RUNX2: variants seen among roughly 807,000 people sequenced by gnomAD.
The protein encoded by RUNX2 is RUNX family transcription factor 2.
RUNX2 carries 10 observed loss-of-function variants against 51.7 expected under a neutral mutation model. That is an observed-to-expected ratio of 0.19 (90% confidence interval 0.12 to 0.33). RUNX2 has a LOEUF of 0.33. RUNX2 is among the 10% of genes least tolerant of loss of function. The probability of loss-of-function intolerance (pLI) is 1.00; values close to 1 mark genes in which losing one functional copy is unlikely to be tolerated. For missense variants in RUNX2, 562 were observed against 691.3 expected, an observed-to-expected ratio of 0.81 and a Z score of 2.10; for synonymous variants, 276 against 273.6, an observed-to-expected ratio of 1.01 and a Z score of -0.09.
At chr6:45,328,576 G>T in intron 1 of RUNX2, 85 bp from the exon 2 acceptor site, 1 of 1,578,422 alleles carries the variant, frequency 6.3e-7, no homozygotes. Context: ...ATAATTTCTT[G>T]ACAGAAAAAA....
chr6:45,370,682 AAAACACCC>A (rs1795914435), intron 2 of RUNX2, among the ~76,000 whole-genome samples: 1 of 152,186 alleles, frequency 6.6e-6, no homozygotes, highest in Admixed American at 6.5e-5. Flanking sequence ...TGAAAATATC[AAAACACCC>A]TGTAAACATG....
intron 5 of RUNX2, among the ~76,000 whole-genome samples, chr6:45,449,458 C>A (rs1478514045): frequency 1.3e-5 from 2 of 152,178 alleles, no homozygotes; most frequent in East Asian, 3.8e-4. Flanking sequence ...GGCATGGACA[C>A]CTGAGAACTC....
chr6:45,377,117 T>A (rs12210230), intron 2 of RUNX2, among the ~76,000 whole-genome samples: 33,129 of 152,020 alleles, frequency 0.22, 4,401 homozygotes, highest in Non-Finnish European at 0.31. Context: ...CATTCTGAAC[T>A]CCTAAAACGT....
chr6:45,346,845 G>A (rs970633669), intron 2 of RUNX2, among the ~76,000 whole-genome samples: 2 of 152,138 alleles, frequency 1.3e-5, no homozygotes, highest in Non-Finnish European at 2.9e-5. Context: ...GATTATAGGC[G>A]TGAGCCATCG....
chr6:45,423,061 C>G, intron 3 of RUNX2, 104 bp downstream of exon 3: 1 of 1,457,868 alleles, frequency 6.9e-7, no homozygotes, highest in South Asian at 1.2e-5. Context: ...TCCAAGACCT[C>G]CTGCCTTGGC....
In RUNX2 at chr6:45,477,158, G is replaced by A. The variant is rs147638770; in HGVS notation, c.686-14783G>A. ...AGTGGCCACTGCATGGGTTGTCTCC[G>A]CCACTGGCTCCTCATCTTTCTCTTT... On this transcript the variant is annotated intron_variant, in intron 5 of 8. Coordinates refer to ENST00000647337, the MANE Select transcript of RUNX2 (RefSeq NM_001024630.4). 5.3e-5 allele frequency among the ~76,000 whole-genome samples: 8 copies of A among 152,216 alleles called. No homozygotes were observed. The East Asian group carries it at 5.8e-4, about 11-fold the overall frequency.
In RUNX2 at chr6:45,465,067, G is replaced by A. The variant is rs76561632; in HGVS notation, c.686-26874G>A. 4.0e-3 allele frequency among the ~76,000 whole-genome samples: 602 copies of A among 152,356 alleles called. 2 individuals carry two copies. The highest frequency in any genetic ancestry group is 0.014 in the African/African-American group (579 of 41,582). Reference sequence around the variant, plus strand: ...TGGGGAAATACTTTAGAATTTATATGTGACTCTTTCTTTTGTCTCTGCCAT... The same window carrying A: ...TGGGGAAATACTTTAGAATTTATATATGACTCTTTCTTTTGTCTCTGCCAT... On this transcript the variant is annotated intron_variant, in intron 5 of 8. Coordinates refer to ENST00000647337, the MANE Select transcript of RUNX2 (RefSeq NM_001024630.4).
Position 45,547,140 on chromosome 6 carries a change from C to T in RUNX2, c.1401C>T (p.Ser467=), listed in dbSNP as rs755177539. ...PMVPGGDRSP[S]RMLPPCTTTS... ...TGCCGGGGGGAGACCGGTCTCCTTC[C>T]AGAATGCTTCCGCCATGCACCACCA... is the stretch of plus-strand genomic sequence containing the variant. Residue 467 remains serine, a synonymous_variant, in exon 9 of 9, where the codon TCC becomes TCT. Coordinates refer to ENST00000647337, the MANE Select transcript of RUNX2 (RefSeq NM_001024630.4). 6.2e-7 allele frequency: 1 copy of T among 1,614,114 alleles called. No homozygotes were observed. Among genetic ancestry groups the T allele is most frequent in the Non-Finnish European group, 8.5e-7 (1 of 1,180,008 alleles).
intron 2 of RUNX2, among the ~76,000 whole-genome samples, chr6:45,379,212 T>C (rs1473791188): frequency 6.6e-6 from 1 of 152,190 alleles, no homozygotes; most frequent in Non-Finnish European, 1.5e-5. Context: ...ATATTTAGGA[T>C]GTGAGAGCTC....
At chr6:45,423,033 G>T (rs1023620479) in intron 3 of RUNX2, 76 bp downstream of exon 3, 2 of 1,559,276 alleles carry the variant, frequency 1.3e-6, no homozygotes, top group Non-Finnish European at 1.7e-6. Context: ...TGCCCACGGG[G>T]CTGGGCCCCG....
In RUNX2 at chr6:45,453,120, A is replaced by G. The variant is rs146436578; in HGVS notation, c.685+15069A>G. ...TGGGTCTCCCCCACCCCTCCCCCCAAGATGATTTATTTTCAAACCTCTTCT... is the reference window on the plus strand; with the variant it reads ...TGGGTCTCCCCCACCCCTCCCCCCAGGATGATTTATTTTCAAACCTCTTCT... On this transcript the variant is annotated intron_variant, in intron 5 of 8. Transcript: ENST00000647337. Among the ~76,000 whole-genome samples the G allele has an allele frequency of 4.5e-3, 690 of 151,922 alleles. 2 individuals are homozygous for G. The highest frequency in any genetic ancestry group is 0.015 in the African/African-American group (636 of 41,414).
intron 5 of RUNX2, among the ~76,000 whole-genome samples, chr6:45,444,256 T>G (rs1798928538): frequency 6.6e-6 from 1 of 152,174 alleles, no homozygotes; most frequent in South Asian, 2.1e-4. Context: ...CTAAAAATTT[T>G]TGTGTGTCGG....
chr6:45,487,503 A>G (rs1430728239), intron 5 of RUNX2, among the ~76,000 whole-genome samples: 1 of 152,226 alleles, frequency 6.6e-6, no homozygotes, highest in African/African-American at 2.4e-5. Context: ...GAAAGAAAGC[A>G]AATTTTTACT....
At chr6:45,355,894 C>T (rs982442571) in intron 2 of RUNX2, among the ~76,000 whole-genome samples, 3 of 152,064 alleles carry the variant, frequency 2.0e-5, no homozygotes, top group Non-Finnish European at 2.9e-5. Flanking sequence ...CCAGGCCAAC[C>T]CCAAAAATTT....
At chr6:45,377,448 A>T (rs141952475) in intron 2 of RUNX2, 1 of 152,174 alleles carries the variant, frequency 6.6e-6, no homozygotes, top group Non-Finnish European at 1.5e-5. Flanking sequence ...CACTACCTAG[A>T]CGACCCGCGC....
intron 2 of RUNX2, among the ~76,000 whole-genome samples, chr6:45,335,009 G>A (rs1285446992): frequency 6.6e-6 from 1 of 150,886 alleles, no homozygotes; most frequent in South Asian, 2.1e-4. Context: ...AGTTTATAAG[G>A]GCAAATATGA....
intron 2 of RUNX2, among the ~76,000 whole-genome samples, chr6:45,331,134 C>T (rs879660235): frequency 5.9e-5 from 9 of 151,446 alleles, no homozygotes; most frequent in Non-Finnish European, 7.4e-5. Flanking sequence ...TGTGCGCGCG[C>T]GCGCGCACAT....
At chr6:45,372,473 A>G (rs904783497) in intron 2 of RUNX2, among the ~76,000 whole-genome samples, 3 of 152,266 alleles carry the variant, frequency 2.0e-5, no homozygotes, top group Admixed American at 1.3e-4. Flanking sequence ...AGTGAAATAT[A>G]CAGAATTCAG....
chr6:45,500,609 G>C (rs762066408), intron 6 of RUNX2, among the ~76,000 whole-genome samples: 4 of 152,194 alleles, frequency 2.6e-5, no homozygotes, highest in Non-Finnish European at 5.9e-5. Context: ...AGTGGGTGAA[G>C]GTGTAGGGGG....
Sources: gnomAD v4.1 joint callset for allele counts (sites outside exome capture counted in the v4.1 genomes callset) on GRCh38, gnomAD v4.1.1 for gene constraint, MANE v1.5 for transcripts, NCBI Gene and HGNC (gene_info 2026-07-23, HGNC 2026-07-21) for gene names.